Variants in ELOA observed in about 807,000 individuals in gnomAD.
ELOA encodes elongin A, also known as elongin-A.
ELOA carries 15 observed loss-of-function variants against 85.2 expected under a neutral mutation model. The observed-to-expected ratio is 0.18, with a 90% CI of 0.12 to 0.27. ELOA has a LOEUF of 0.27. Among genes scored for constraint, ELOA ranks in the 10% least tolerant of loss-of-function variants. The pLI, the probability that ELOA is intolerant of heterozygous loss-of-function variation, is 1.00. For synonymous variants in ELOA, 348 were observed against 357.2 expected, an observed-to-expected ratio of 0.97 and a Z score of 0.29; for missense variants, 769 against 952.7, an observed-to-expected ratio of 0.81 and a Z score of 2.54.
At position 23,751,254 on chromosome 1, in the gene ELOA, G is replaced by C. The variant is rs1410938265; in HGVS notation, c.649G>C (p.Ala217Pro). 6 of 1,614,106 alleles carry C rather than the reference G, an allele frequency of 3.7e-6. No individual in the cohort carries two copies. Among genetic ancestry groups the C allele is most frequent in the Non-Finnish European group, 5.1e-6 (6 of 1,180,056 alleles). ...HQKPGKGHSN[A>P]FQDRLGASQE... is the part of the protein sequence containing the mutation. The stretch of plus-strand genomic sequence containing the variant: ...GAAGCCTGGGAAAGGCCACAGCAAT[G>C]CCTTTCAGGACAGACTCGGGGCCAG... The change falls in exon 4 of 11, where the codon GCC (alanine) becomes CCC (proline). Residue 217 changes from alanine (A) to proline (P), a missense_variant. Coordinates refer to ENST00000613537, the MANE Select transcript of ELOA (RefSeq NM_003198.3).
intron 2 of ELOA, among the ~76,000 whole-genome samples, chr1:23,749,601 G>C (rs1318310828): frequency 1.3e-5 from 2 of 152,120 alleles, no homozygotes; most frequent in Non-Finnish European, 2.9e-5. Flanking sequence ...TCTTATCTTA[G>C]TGCCTAACAC....
chr1:23,753,097 C>T (rs1644779745), intron 5 of ELOA, among the ~76,000 whole-genome samples: 2 of 152,164 alleles, frequency 1.3e-5, no homozygotes, highest in East Asian at 1.9e-4. Context: ...CTGCAGTGAG[C>T]TCTGATTGCA....
Position 23,759,628 on chromosome 1 carries a change from G to A in ELOA, c.*55G>A, listed in dbSNP as rs1202920729. The A allele has an allele frequency of 6.3e-7, 1 of 1,587,716 alleles. No individual in the cohort carries two copies. The highest frequency in any genetic ancestry group is 1.3e-5 in the African/African-American group (1 of 74,376). On this transcript the variant is annotated 3_prime_UTR_variant, in exon 11 of 11. Coordinates refer to ENST00000613537, the MANE Select transcript of ELOA (RefSeq NM_003198.3). ...GGGGAGGCAGGAATACAAGGACAGT[G>A]GGGGTTGGGGAATGGAATTCTACAG...
rs1644770040 is a variant in ELOA at position 23,751,385 on chromosome 1, T to TGAGAAGGCCTCTGTGGTGAGCAGA, written c.786_809dup (p.Ala263_Lys270dup). The TGAGAAGGCCTCTGTGGTGAGCAGA allele has an allele frequency of 6.2e-7, 1 of 1,614,050 alleles. No individual in the cohort carries two copies. ...AACGCCCCGTGGATGCCAAGAGTGA[T>TGAGAAGGCCTCTGTGGTGAGCAGA]GAGAAGGCCTCTGTGGTGAGCAGAG... On this transcript the variant is annotated inframe_insertion, in exon 4 of 11. Transcript: ENST00000613537.
In ELOA at chr1:23,751,273, G is replaced by T. The variant is rs1266468140; in HGVS notation, c.668G>T (p.Gly223Val). The change falls in exon 4 of 11, where the codon GGG (glycine) becomes GTG (valine). Residue 223 changes from glycine (G) to valine (V), a missense_variant. Physicochemically the swap from Gly to Val is moderately radical, Grantham distance 109. Around this residue, in one of 4 missense-constraint regions of ELOA, gnomAD observed 440 missense variants for 474.0 expected, o/e 0.93. Transcript: ENST00000613537. ...GHSNAFQDRL[G>V]ASQERHLGEP... ...AGCAATGCCTTTCAGGACAGACTCG[G>T]GGCCAGCCAAGAACGACACCTGGGT... The T allele has an allele frequency of 6.2e-7, 1 of 1,614,208 alleles. No homozygotes were observed. The highest frequency in any genetic ancestry group is 1.7e-5 in the Admixed American group (1 of 60,028).
rs994985429 is a variant in ELOA at position 23,750,775 on chromosome 1, A to C, written c.240-70A>C. On this transcript the variant is annotated intron_variant, in intron 3 of 10. Coordinates refer to ENST00000613537, the MANE Select transcript of ELOA (RefSeq NM_003198.3). ...GCATCTTCACTTCTTTGGTGAGTTC[A>C]GATTCTGTGACTTTGTCCCTCAAGA... The C allele has an allele frequency of 4.9e-6, 7 of 1,414,642 alleles. No individual in the cohort carries two copies. The East Asian group carries it at 1.5e-4, about 29-fold the overall frequency. The allele number at this position is 1,414,642 out of a possible 1,614,324, so 87.6% of individuals were successfully genotyped here.
At chr1:23,758,247 A>ATTTTTTTTTTTTT (rs1338294015) in intron 10 of ELOA, among the ~76,000 whole-genome samples, 3 of 56,790 alleles carry the variant, frequency 5.3e-5, no homozygotes, top group East Asian at 7.1e-4. Context: ...GGGTCTTCCA[A>ATTTTTTTTTTTTT]TTTATTTATT....
In ELOA at chr1:23,743,493, C is replaced by T. The variant is rs1235040506; in HGVS notation, c.-11C>T. 1.3e-6 allele frequency: 2 copies of T among 1,504,910 alleles called. No homozygotes were observed. Among genetic ancestry groups the T allele is most frequent in the Admixed American group, 4.2e-5 (2 of 47,568 alleles). The allele number at this position is 1,504,910 out of a possible 1,614,324, so 93.2% of individuals were successfully genotyped here. A position where few individuals can be genotyped will look rare whatever the true frequency, so the allele number is the denominator to read the frequency against. ...CCCAGTTCCGGCGAGGAGGCCGCGC[C>T]AGTGACAGCGATGGCGGCGGAGTCG... On this transcript the variant is annotated 5_prime_UTR_variant, in exon 1 of 11. Transcript: ENST00000613537.
intron 1 of ELOA, among the ~76,000 whole-genome samples, chr1:23,745,616 G>A (rs1644742660): frequency 6.6e-6 from 1 of 151,612 alleles, no homozygotes; most frequent in African/African-American, 2.4e-5. Flanking sequence ...AGAAAATGTT[G>A]GGAGATCATT....
chr1:23,750,170 C>CCTTTTTT (rs1553125603), intron 3 of ELOA, among the ~76,000 whole-genome samples: 10 of 90,538 alleles, frequency 1.1e-4, no homozygotes, highest in Admixed American at 1.6e-4. Context: ...TGGTACGTTT[C>CCTTTTTT]TTTTTTTTTT....
Position 23,759,762 on chromosome 1 carries a change from C to T in ELOA, c.*189C>T. 1.6e-6 allele frequency: 1 copy of T among 607,936 alleles called. No homozygotes were observed. Among genetic ancestry groups the T allele is most frequent in the Non-Finnish European group, 2.9e-6 (1 of 342,560 alleles). The allele number at this position is 607,936 out of a possible 1,614,324, so 37.7% of individuals were successfully genotyped here. On this transcript the variant is annotated 3_prime_UTR_variant, in exon 11 of 11. Coordinates refer to ENST00000613537, the MANE Select transcript of ELOA (RefSeq NM_003198.3). ...CAGCCCCGCCTCCCTGCCTGGAGCA[C>T]ACTTTAGAATTCTGAAGATGTGAAG...
At position 23,757,039 on chromosome 1, in the gene ELOA, A is replaced by G. The variant is rs748918684; in HGVS notation, c.2171A>G (p.Tyr724Cys). 22 of 1,611,200 alleles carry G rather than the reference A, an allele frequency of 1.4e-5. No individual in the cohort carries two copies. The highest frequency in any genetic ancestry group is 1.3e-4 in the East Asian group (6 of 44,484). ...AACCCCAGCCCTGAGGAGCCGGCCT[A>G]TGATGGCCCAAGCACCAGCAGTGCC... ...SFNPSPEEPA[Y>C]DGPSTSSAHL... Residue 724 changes from tyrosine (Y) to cysteine (C), a missense_variant, in exon 10 of 11, where the codon TAT becomes TGT. By Grantham distance (194) the Tyr-to-Cys change is radical. Coordinates refer to ENST00000613537, the MANE Select transcript of ELOA (RefSeq NM_003198.3).
At chr1:23,745,195 C>A (rs1644740910) in intron 1 of ELOA, among the ~76,000 whole-genome samples, 1 of 152,214 alleles carries the variant, frequency 6.6e-6, no homozygotes, top group Non-Finnish European at 1.5e-5. Context: ...AGTGGTCAGG[C>A]ATACTTACAA....
Position 23,755,844 on chromosome 1 carries a change from T to C in ELOA, c.1793T>C (p.Val598Ala), listed in dbSNP as rs142679874. ...ATGATGTCCTGGTTCTGGTTTCAGG[T>C]ATTAATTGAAGAAACAGATCAATTA... is the stretch of plus-strand genomic sequence containing the variant. ...QLYRIEEYNH[V>A]LIEETDQLWK... The change falls in exon 8 of 11, where the codon GTA (valine) becomes GCA (alanine). Residue 598 changes from valine to alanine, a missense_variant and splice_region_variant. By Grantham distance (64) the Val-to-Ala change is moderately conservative. Transcript: ENST00000613537. 392 of 1,597,698 alleles carry C rather than the reference T, an allele frequency of 2.5e-4. 1 individual carries two copies. The African/African-American group carries it at 4.2e-3, about 17-fold the overall frequency.
intron 5 of ELOA, among the ~76,000 whole-genome samples, 176 bp downstream of exon 5, chr1:23,752,694 G>A (rs1644776859): frequency 6.6e-6 from 1 of 152,040 alleles, no homozygotes; most frequent in Non-Finnish European, 1.5e-5. Flanking sequence ...TGTAATCCCA[G>A]CACTTTGGGA....
chr1:23,757,165 A>G, intron 10 of ELOA, 40 bp downstream of exon 10: 1 of 1,495,596 alleles, frequency 6.7e-7, no homozygotes, highest in East Asian at 2.4e-5. Flanking sequence ...TTATTTCAGC[A>G]CTAGTTTTTA....
chr1:23,754,565 C>G, intron 7 of ELOA, 105 bp downstream of exon 7: 1 of 891,400 alleles, frequency 1.1e-6, no homozygotes, highest in Admixed American at 2.0e-5. Flanking sequence ...GATCAGTGGT[C>G]AGAGCATTGT....
Position 23,751,021 on chromosome 1 carries a change from T to G in ELOA, c.416T>G (p.Leu139Arg). The change falls in exon 4 of 11, where the codon CTC becomes CGC. Residue 139 changes from leucine (L) to arginine (R), a missense_variant. Physicochemically the swap from Leu to Arg is moderately radical, Grantham distance 102 (BLOSUM62 -2). Around this residue, in one of 4 missense-constraint regions of ELOA, gnomAD observed 440 missense variants for 474.0 expected, o/e 0.93. Transcript: ENST00000613537. Reference sequence around the variant, plus strand: ...AAGAAACATAGGAAACTCTCGGAGCTCGAGAGACCTCACAAAGTGTCTCAC... The same window carrying G: ...AAGAAACATAGGAAACTCTCGGAGCGCGAGAGACCTCACAAAGTGTCTCAC... ...RQKKHRKLSELERPHKVSHGH... is the reference protein window; with the variant it reads ...RQKKHRKLSERERPHKVSHGH... The G allele has an allele frequency of 6.2e-7, 1 of 1,613,930 alleles. No homozygotes were observed. The highest frequency in any genetic ancestry group is 8.5e-7 in the Non-Finnish European group (1 of 1,180,004).
In ELOA at chr1:23,761,876, T is replaced by G. The variant is rs1268581062; in HGVS notation, c.*2303T>G. 1 of 152,220 alleles carries G rather than the reference T, an allele frequency of 6.6e-6. No homozygotes were observed. The highest frequency in any genetic ancestry group is 1.5e-5 in the Non-Finnish European group (1 of 68,030). The allele number at this position is 152,220 out of a possible 1,614,324, so 9.4% of individuals were successfully genotyped here. ...TACTGAGCAGTTTCTTTGGGGCTTTTTCTTTCTGGGAAGCGGGAGGGAAAG... is the reference window on the plus strand; with the variant it reads ...TACTGAGCAGTTTCTTTGGGGCTTTGTCTTTCTGGGAAGCGGGAGGGAAAG... On this transcript the variant is annotated 3_prime_UTR_variant, in exon 11 of 11. Transcript: ENST00000613537.
Sources: allele counts gnomAD v4.1 joint callset (sites outside exome capture counted in the v4.1 genomes callset), GRCh38; gene constraint gnomAD v4.1.1; regional missense constraint gnomAD v4.1.1; transcripts MANE v1.5; gene names NCBI Gene and HGNC (gene_info 2026-07-23, HGNC 2026-07-21).